The following FOXP2 variants were observed in gnomAD, a reference collection of about 807,000 sequenced individuals.
The protein encoded by FOXP2 is forkhead box protein P2.
FOXP2 carries 12 observed loss-of-function variants against 115.8 expected under a neutral mutation model. The ratio of observed to expected loss-of-function variants is 0.10; its 90% CI spans 0.07 to 0.17. The LOEUF is 0.17. FOXP2 is among the 10% of genes least tolerant of loss of function. The pLI is 1.00. For synonymous variants in FOXP2, 328 were observed against 297.7 expected (o/e 1.10, Z -1.05); for missense variants, 629 against 843.5 (o/e 0.75, Z 3.15).
upstream of FOXP2, among the ~76,000 whole-genome samples, chr7:114,412,551 T>C (rs542707747): frequency 3.4e-4 from 52 of 152,288 alleles, no homozygotes; most frequent in African/African-American, 1.2e-3. Context: ...TTTCTTTTCC[T>C]AGTTTTTGTC....
intron 1 of FOXP2, among the ~76,000 whole-genome samples, chr7:114,124,556 T>G (rs1222692345): frequency 6.6e-6 from 1 of 152,132 alleles, no homozygotes; most frequent in Non-Finnish European, 1.5e-5. Flanking sequence ...ATAGATCTGC[T>G]TTCCAATAAA....
chr7:114,129,344 G>A (rs190134254), intron 1 of FOXP2, among the ~76,000 whole-genome samples: 3 of 152,124 alleles, frequency 2.0e-5, no homozygotes, highest in East Asian at 3.9e-4. Flanking sequence ...GTTGAGACCT[G>A]GAAACACAAT....
At chr7:114,297,337 C>T (rs1796765185) in intron 2 of FOXP2, 11 of 625,606 alleles carry the variant, frequency 1.8e-5, no homozygotes, top group East Asian at 3.9e-5. Context: ...GTCAGGCGCC[C>T]GTGGTGGCGG....
At chr7:114,236,895 T>C (rs1478048039) in intron 1 of FOXP2, among the ~76,000 whole-genome samples, 1 of 152,096 alleles carries the variant, frequency 6.6e-6, no homozygotes, top group Non-Finnish European at 1.5e-5. Flanking sequence ...GAGAATTGCT[T>C]GAACCCAGGA....
chr7:114,675,706 C>T (rs1367802200), intron 16 of FOXP2, among the ~76,000 whole-genome samples: 1 of 151,934 alleles, frequency 6.6e-6, no homozygotes, highest in African/African-American at 2.4e-5. Context: ...CTTTTTACAG[C>T]ATTTTTTTAA....
At chr7:114,617,850 T>C (rs1047606579) in intron 3 of FOXP2, among the ~76,000 whole-genome samples, 2 of 152,170 alleles carry the variant, frequency 1.3e-5, no homozygotes, top group African/African-American at 4.8e-5. Context: ...CTTCTAATTC[T>C]GATAGCCATG....
chr7:114,240,968 T>G (rs972827543), intron 1 of FOXP2, among the ~76,000 whole-genome samples: 7 of 152,074 alleles, frequency 4.6e-5, no homozygotes, highest in Non-Finnish European at 1.0e-4. Context: ...TTTTTTTGTA[T>G]TAATCATATA....
chr7:114,211,409 T>G (rs1233388385), intron 1 of FOXP2, among the ~76,000 whole-genome samples: 1 of 152,146 alleles, frequency 6.6e-6, no homozygotes, highest in East Asian at 1.9e-4. Flanking sequence ...GTTTCCCGGG[T>G]AGGATCACAC....
rs1016947331 is a variant in FOXP2 at position 114,462,109 on chromosome 7, C to T, written c.168+35430C>T. ...ATCCTGACCAACATGGCGAAGCCCC[C>T]GTCTCTACTAAAAATACAAAAATTA... is the stretch of plus-strand genomic sequence containing the variant. On this transcript the variant is annotated intron_variant, in intron 2 of 16. Coordinates refer to ENST00000350908, the MANE Select transcript of FOXP2 (RefSeq NM_014491.4). 3.3e-5 allele frequency among the ~76,000 whole-genome samples: 5 copies of T among 150,998 alleles called. No individual in the cohort carries two copies. The East Asian group carries it at 6.0e-4, about 18-fold the overall frequency.
chr7:114,668,934 A>G (rs1807335132), intron 16 of FOXP2: 1 of 152,090 alleles, frequency 6.6e-6, no homozygotes, highest in African/African-American at 2.4e-5. Context: ...TAGAATCTTG[A>G]AGAAGGAGAA....
intron 6 of FOXP2, among the ~76,000 whole-genome samples, chr7:114,635,788 C>T (rs1468799325): frequency 1.3e-5 from 2 of 151,754 alleles, no homozygotes; most frequent in African/African-American, 2.4e-5. Context: ...GAGGAAGACT[C>T]GAAAGCAGTG....
chr7:114,519,666 T>C (rs111910028), intron 2 of FOXP2, among the ~76,000 whole-genome samples: 1 of 152,238 alleles, frequency 6.6e-6, no homozygotes, highest in Non-Finnish European at 1.5e-5. Flanking sequence ...CATGAGAAAC[T>C]ATGCAGTTCT....
intron 2 of FOXP2, among the ~76,000 whole-genome samples, chr7:114,324,273 T>TA (rs1321703045): frequency 1.3e-5 from 2 of 151,956 alleles, no homozygotes; most frequent in South Asian, 4.1e-4. Context: ...TATTATTAGC[T>TA]AAAAAATAAA....
chr7:114,529,684 G>C (rs184730784), intron 2 of FOXP2, among the ~76,000 whole-genome samples: 1 of 151,516 alleles, frequency 6.6e-6, no homozygotes, highest in East Asian at 1.9e-4. Context: ...TATGTATCAG[G>C]CATGAAAAAA....
intron 1 of FOXP2, among the ~76,000 whole-genome samples, chr7:114,089,682 A>C (rs1409874846): frequency 2.0e-5 from 3 of 151,940 alleles, no homozygotes; most frequent in Non-Finnish European, 4.4e-5. Flanking sequence ...AAACCTTTGT[A>C]ATTTTCTAGA....
intron 1 of FOXP2, among the ~76,000 whole-genome samples, chr7:114,417,573 G>T (rs1260751708): frequency 6.6e-6 from 1 of 151,828 alleles, no homozygotes; most frequent in Non-Finnish European, 1.5e-5. Context: ...AATCTCATTT[G>T]CATATGCTTA....
At chr7:114,243,286 C>T (rs1027703996) in intron 1 of FOXP2, among the ~76,000 whole-genome samples, 17 of 136,714 alleles carry the variant, frequency 1.2e-4, no homozygotes, top group Admixed American at 8.0e-4. Flanking sequence ...AAAACAAGAA[C>T]AAAGGTTGAA....
At chr7:114,395,147 T>C (rs1284301085) in intron 2 of FOXP2, among the ~76,000 whole-genome samples, 2 of 152,200 alleles carry the variant, frequency 1.3e-5, no homozygotes, top group Non-Finnish European at 2.9e-5. Flanking sequence ...TTTTCCCAAC[T>C]TCTCTGTAAG....
At chr7:114,529,491 G>T (rs1490611698) in intron 2 of FOXP2, among the ~76,000 whole-genome samples, 2 of 151,706 alleles carry the variant, frequency 1.3e-5, no homozygotes, top group African/African-American at 4.8e-5. Flanking sequence ...TCTTATTATA[G>T]TGTAGTATTA....
Sources: allele counts gnomAD v4.1 joint callset (sites outside exome capture counted in the v4.1 genomes callset), GRCh38; gene constraint gnomAD v4.1.1; transcripts MANE v1.5; gene names NCBI Gene and HGNC (gene_info 2026-07-23, HGNC 2026-07-21).